Variants in LARGE1 observed in about 807,000 individuals in gnomAD.
LARGE1 encodes the protein LARGE xylosyl- and glucuronyltransferase 1.
Under a neutral mutation model 87.6 loss-of-function variants are expected in LARGE1, and 43 were observed. That is an observed-to-expected ratio of 0.49 (90% CI 0.38 to 0.63). The LOEUF is 0.63. LARGE1 is among the 30% of genes least tolerant of loss of function. LARGE1 has a pLI of 0.00. For missense variants in LARGE1, 802 were observed against 1,000.2 expected, an observed-to-expected ratio of 0.80 and a Z score of 2.67; for synonymous variants, 434 against 394.6, an observed-to-expected ratio of 1.10 and a Z score of -1.18.
exon 12 of LARGE1, chr22:33,162,867 A>T (rs1337532083): frequency 1.3e-5 from 2 of 152,238 alleles, no homozygotes; most frequent in African/African-American, 4.8e-5. Flanking sequence ...GTCACCAATT[A>T]AAAGGTTAAC....
chr22:33,370,509 G>A lies in LARGE1; in HGVS notation c.1131+11410C>T, dbSNP rs1289254424. Among the ~76,000 whole-genome samples the A allele has an allele frequency of 2.0e-5, 3 of 152,286 alleles. No individual in the cohort carries two copies. In the East Asian group the frequency reaches 5.8e-4, roughly 29 times the overall value. ...TTCACTAGATTAGCATTTAAGTTTA[G>A]CTATGTAAAAAGGTCCCAATTTTGA... On this transcript the variant is annotated intron_variant, in intron 9 of 14. Coordinates refer to ENST00000397394, the MANE Select transcript of LARGE1 (RefSeq NM_133642.5).
chr22:33,361,630 T>A (rs1601587284), intron 9 of LARGE1, among the ~76,000 whole-genome samples: 2 of 147,756 alleles, frequency 1.4e-5, no homozygotes, highest in South Asian at 2.3e-4. Flanking sequence ...AGTTCAGGTG[T>A]CTGGGAGTTT....
intron 10 of LARGE1, among the ~76,000 whole-genome samples, chr22:33,328,002 A>G (rs968672864): frequency 2.6e-5 from 4 of 152,188 alleles, no homozygotes; most frequent in Admixed American, 2.6e-4. Context: ...AATAAAACAG[A>G]TAAAAAGCCC....
intron 1 of LARGE1, among the ~76,000 whole-genome samples, chr22:33,918,602 G>C (rs192886987): frequency 1.3e-5 from 2 of 152,166 alleles, no homozygotes; most frequent in African/African-American, 4.8e-5. Flanking sequence ...AGGACCAAGC[G>C]TGCCAGTGAG....
At chr22:33,084,857 T>C in the LARGE1 span, among the ~76,000 whole-genome samples, 2 of 152,354 alleles carry the variant, frequency 1.3e-5, no homozygotes, top group South Asian at 4.1e-4. Context: ...TCACATTCTT[T>C]TTATTATAAC....
At position 33,591,731 on chromosome 22, in the gene LARGE1, G is replaced by A. The variant is rs561059004; in HGVS notation, c.615+12704C>T. On this transcript the variant is annotated intron_variant, in intron 5 of 14. Transcript: ENST00000397394. ...TCTTATTTAAGAAATCTCTCTGCCA[G>A]GCATGGTGGCTCACACCTGTAATCC... Among the ~76,000 whole-genome samples, 110 of 151,436 alleles carry A rather than the reference G, an allele frequency of 7.3e-4. 1 individual carries two copies. The highest frequency in any genetic ancestry group is 1.6e-4 in the Non-Finnish European group (11 of 67,920).
intron 1 of LARGE1, among the ~76,000 whole-genome samples, chr22:33,846,323 C>A (rs540454630): frequency 6.6e-6 from 1 of 152,328 alleles, no homozygotes; most frequent in African/African-American, 2.4e-5. Context: ...GTGAAGATTT[C>A]TTGGACACTT....
At chr22:33,454,633 A>AG (rs2068060405) in intron 6 of LARGE1, among the ~76,000 whole-genome samples, 2 of 150,582 alleles carry the variant, frequency 1.3e-5, no homozygotes, top group South Asian at 2.1e-4. Context: ...AAAAAAAAAA[A>AG]AAGAAGAAGA....
At chr22:33,701,582 T>C (rs2082405184) in intron 2 of LARGE1, among the ~76,000 whole-genome samples, 1 of 152,166 alleles carries the variant, frequency 6.6e-6, no homozygotes, top group Non-Finnish European at 1.5e-5. Flanking sequence ...CAGTGTCCAA[T>C]ATCATGCTAG....
At position 33,604,572 on chromosome 22, in the gene LARGE1, G is replaced by C; in HGVS notation, c.492-14C>G. The C allele has an allele frequency of 6.2e-7, 1 of 1,614,018 alleles. No individual in the cohort carries two copies. Among genetic ancestry groups the C allele is most frequent in the Non-Finnish European group, 8.5e-7 (1 of 1,179,928 alleles). On this transcript the variant is annotated splice_polypyrimidine_tract_variant and intron_variant, in intron 4 of 14. Transcript: ENST00000397394. ...AGAGGGTTCCGTCTGTGGGGAGTGT[G>C]AGAAGGAAGGGTCAGGTGGAGAGGT...
the LARGE1 span, among the ~76,000 whole-genome samples, chr22:33,102,575 C>T: frequency 6.6e-6 from 1 of 151,974 alleles, no homozygotes; most frequent in Non-Finnish European, 1.5e-5. Flanking sequence ...CCCCAACCTC[C>T]GCCTCCCGGG....
At chr22:33,788,909 A>G (rs2085734264) in intron 1 of LARGE1, among the ~76,000 whole-genome samples, 1 of 152,216 alleles carries the variant, frequency 6.6e-6, no homozygotes, top group Admixed American at 6.5e-5. Flanking sequence ...GCAAAGCATA[A>G]AAGTTTTGAA....
At chr22:33,606,823 C>A (rs2079278175) in intron 4 of LARGE1, among the ~76,000 whole-genome samples, 1 of 152,184 alleles carries the variant, frequency 6.6e-6, no homozygotes. Flanking sequence ...ATCTCTTAGT[C>A]TGCCTTAGGA....
chr22:33,447,864 G>A (rs1235950482), intron 6 of LARGE1, among the ~76,000 whole-genome samples: 1 of 152,066 alleles, frequency 6.6e-6, no homozygotes, highest in African/African-American at 2.4e-5. Context: ...GCTGGTGTGT[G>A]GAAAGGAATG....
At chr22:33,919,382 C>T (rs1418887944) in intron 1 of LARGE1, among the ~76,000 whole-genome samples, 1 of 152,190 alleles carries the variant, frequency 6.6e-6, no homozygotes, top group African/African-American at 2.4e-5. Flanking sequence ...AAAGCAGTGA[C>T]ATTTACAAGA....
intron 6 of LARGE1, among the ~76,000 whole-genome samples, chr22:33,561,484 C>T (rs1480162942): frequency 6.6e-6 from 1 of 152,172 alleles, no homozygotes; most frequent in Non-Finnish European, 1.5e-5. Flanking sequence ...GAGAAGCATA[C>T]CATACCCATG....
chr22:33,491,539 G>T (rs1024957747), intron 6 of LARGE1, among the ~76,000 whole-genome samples: 2 of 152,220 alleles, frequency 1.3e-5, no homozygotes, highest in African/African-American at 4.8e-5. Flanking sequence ...AAATTCTGAA[G>T]ATGAAAGAAT....
chr22:33,482,045 G>A (rs554619353), intron 6 of LARGE1, among the ~76,000 whole-genome samples: 7 of 152,226 alleles, frequency 4.6e-5, no homozygotes, highest in East Asian at 1.9e-4. Context: ...CATATCTACT[G>A]TACTCCACAA....
chr22:33,153,291 T>G, the LARGE1 span, among the ~76,000 whole-genome samples: 1 of 152,234 alleles, frequency 6.6e-6, no homozygotes, highest in Non-Finnish European at 1.5e-5. Context: ...GGCTCCTGAA[T>G]AGCTGAAATT....
Sources: gnomAD v4.1 joint callset for allele counts (sites outside exome capture counted in the v4.1 genomes callset) on GRCh38, gnomAD v4.1.1 for gene constraint, MANE v1.5 for transcripts, NCBI Gene and HGNC (gene_info 2026-07-23, HGNC 2026-07-21) for gene names.